Variants in FOXP1 observed in about 807,000 individuals in gnomAD.
FOXP1 encodes forkhead box P1, also known as forkhead box protein P1.
Under a neutral mutation model 98.2 loss-of-function variants are expected in FOXP1, and 15 were observed. The ratio of observed to expected loss-of-function variants is 0.15; its 90% CI spans 0.10 to 0.24. The LOEUF (loss-of-function observed/expected upper bound fraction) is 0.24, where lower values mean the gene tolerates loss of function less well. Ranked by LOEUF, FOXP1 falls within the 10% of genes least tolerant of loss-of-function variation. FOXP1 has a pLI of 1.00. For synonymous variants in FOXP1, 371 were observed against 314.5 expected, an observed-to-expected ratio of 1.18 and a Z score of -1.90; for missense variants, 633 against 848.5, an observed-to-expected ratio of 0.75 and a Z score of 3.15.
intron 7 of FOXP1, among the ~76,000 whole-genome samples, chr3:71,095,194 A>G (rs1489616134): frequency 6.6e-6 from 1 of 152,248 alleles, no homozygotes; most frequent in Non-Finnish European, 1.5e-5. Context: ...CCTGCTGTTC[A>G]TAAGTCAAAA....
At chr3:71,052,723 C>A (rs922730870) in intron 8 of FOXP1, 97 bp from the exon 9 acceptor site, 12 of 780,026 alleles carry the variant, frequency 1.5e-5, no homozygotes, top group Non-Finnish European at 2.3e-5. Flanking sequence ...AAAATAGCAT[C>A]CTTTTATCTG....
Position 71,017,914 on chromosome 3 carries a change from C to T in FOXP1, c.870-2261G>A, listed in dbSNP as rs182879368. On this transcript the variant is annotated intron_variant, in intron 11 of 20. Coordinates refer to ENST00000649528, the MANE Select transcript of FOXP1 (RefSeq NM_001349338.3). ...GTTGCTCTTGAAAAATGCTACATGC[C>T]GAGCACACTCTTAGCCAGTATACAT... is the stretch of plus-strand genomic sequence containing the variant. Among the ~76,000 whole-genome samples the T allele has an allele frequency of 6.0e-4, 92 of 152,126 alleles. No individual in the cohort carries two copies. In the East Asian group the frequency reaches 7.9e-3, roughly 13 times the overall value.
rs541254691 is a variant in FOXP1, at chr3:71,491,900, T to C, written c.-168+1526A>G. Among the ~76,000 whole-genome samples the C allele has an allele frequency of 3.9e-5, 6 of 152,340 alleles. No homozygotes were observed. In the South Asian group the frequency reaches 1.0e-3, roughly 26 times the overall value. ...TGAATGCATAACACTGTCTTAGACA[T>C]ATCATCAGAGGAGGCTTAAAAAGCT... On this transcript the variant is annotated intron_variant, in intron 3 of 20. Coordinates refer to ENST00000649528, the MANE Select transcript of FOXP1 (RefSeq NM_001349338.3).
rs111832624 is a variant in FOXP1, at chr3:71,399,902, C to T, written c.-167-40658G>A. The stretch of plus-strand genomic sequence containing the variant: ...ATTTCTCCAGTTGTTAATTTGAAAA[C>T]GATGTAGCAAATGCCTAGTATGTTC... On this transcript the variant is annotated intron_variant, in intron 3 of 20. Transcript: ENST00000649528. Among the ~76,000 whole-genome samples the T allele has an allele frequency of 3.6e-3, 553 of 152,226 alleles. 4 individuals carry two copies. Among genetic ancestry groups the T allele is most frequent in the African/African-American group, 0.012 (517 of 41,552 alleles).
intron 6 of FOXP1, among the ~76,000 whole-genome samples, chr3:71,155,890 G>C (rs1016392188): frequency 2.0e-5 from 3 of 152,200 alleles, no homozygotes; most frequent in Non-Finnish European, 4.4e-5. Flanking sequence ...GCCCCGCAGT[G>C]CAGGTAAACA....
At chr3:71,228,502 T>C (rs2066017407) in intron 5 of FOXP1, among the ~76,000 whole-genome samples, 1 of 152,154 alleles carries the variant, frequency 6.6e-6, no homozygotes, top group Admixed American at 6.5e-5. Flanking sequence ...TCTTTTTTCG[T>C]TAAATACAGT....
At chr3:71,174,530 T>C (rs1343427946) in intron 6 of FOXP1, among the ~76,000 whole-genome samples, 4 of 152,146 alleles carry the variant, frequency 2.6e-5, no homozygotes, top group Admixed American at 2.0e-4. Flanking sequence ...GTCAGTACCA[T>C]AGAAATAAAA....
At chr3:71,321,572 A>G (rs2075393053) in intron 4 of FOXP1, among the ~76,000 whole-genome samples, 1 of 152,146 alleles carries the variant, frequency 6.6e-6, no homozygotes, top group Non-Finnish European at 1.5e-5. Context: ...TCGTGCTCAC[A>G]ATGTAATTAA....
At chr3:71,564,441 T>C (rs1190210021) in intron 2 of FOXP1, among the ~76,000 whole-genome samples, 1 of 152,268 alleles carries the variant, frequency 6.6e-6, no homozygotes, top group Non-Finnish European at 1.5e-5. Flanking sequence ...TTCTTTATTC[T>C]GTCCTTTTAA....
rs1181567916 is a variant in FOXP1 at position 71,051,202 on chromosome 3, T to C, written c.510+1335A>G. 2.0e-5 allele frequency among the ~76,000 whole-genome samples: 3 copies of C among 152,228 alleles called. No individual in the cohort carries two copies. In the South Asian group the frequency reaches 6.2e-4, roughly 32 times the overall value. ...TTAATTACTGTTAGTCCTTTAGATTTACATTTTAGACACTTTTTAATCTGT... is the reference window on the plus strand; with the variant it reads ...TTAATTACTGTTAGTCCTTTAGATTCACATTTTAGACACTTTTTAATCTGT... On this transcript the variant is annotated intron_variant, in intron 9 of 20. Transcript: ENST00000649528.
At chr3:71,326,495 C>T (rs944974888) in intron 4 of FOXP1, among the ~76,000 whole-genome samples, 16 of 152,108 alleles carry the variant, frequency 1.1e-4, no homozygotes, top group South Asian at 8.3e-4. Flanking sequence ...TCTGTGATGG[C>T]AGAGCTGATG....
intron 7 of FOXP1, among the ~76,000 whole-genome samples, chr3:71,111,019 C>T (rs2057874975): frequency 6.6e-6 from 1 of 152,200 alleles, no homozygotes; most frequent in Non-Finnish European, 1.5e-5. Context: ...GTGCTGAACT[C>T]TCTCTGGAAA....
In FOXP1 at chr3:71,043,356, A is replaced by G. The variant is rs181897873; in HGVS notation, c.665-1824T>C. On this transcript the variant is annotated intron_variant, in intron 10 of 20. Transcript: ENST00000649528. ...CTTGTCCCCTGAAATTAAGCCTCAG[A>G]GGCAAATTAAACAAAGGGGAAAGGT... Among the ~76,000 whole-genome samples, 12 of 152,304 alleles carry G rather than the reference A, an allele frequency of 7.9e-5. No individual in the cohort carries two copies. In the East Asian group the frequency reaches 1.9e-3, roughly 25 times the overall value.
intron 5 of FOXP1, among the ~76,000 whole-genome samples, chr3:71,232,903 A>C (rs1397216516): frequency 6.7e-6 from 1 of 149,408 alleles, no homozygotes; most frequent in Non-Finnish European, 1.5e-5. Flanking sequence ...AAAAGCAAGA[A>C]AAATGGGGAC....
At chr3:71,321,675 G>A (rs1386130693) in intron 4 of FOXP1, among the ~76,000 whole-genome samples, 3 of 150,952 alleles carry the variant, frequency 2.0e-5, no homozygotes, top group African/African-American at 7.3e-5. Flanking sequence ...AGGCCGGAGT[G>A]CAGTGGTGCG....
intron 3 of FOXP1, among the ~76,000 whole-genome samples, chr3:71,381,632 C>T (rs1013786040): frequency 6.6e-6 from 1 of 151,812 alleles, no homozygotes; most frequent in African/African-American, 2.4e-5. Context: ...TTTGTAGAGA[C>T]GGAGTCTCTC....
At chr3:71,549,520 A>C (rs1412303525) in intron 2 of FOXP1, among the ~76,000 whole-genome samples, 1 of 152,138 alleles carries the variant, frequency 6.6e-6, no homozygotes, top group Non-Finnish European at 1.5e-5. Flanking sequence ...GATCACAGGC[A>C]TACACCATCA....
Position 71,164,032 on chromosome 3 carries a change from C to T in FOXP1, c.180+34170G>A, listed in dbSNP as rs183739663. Among the ~76,000 whole-genome samples the T allele has an allele frequency of 7.2e-5, 11 of 152,170 alleles. 1 individual carries two copies. The highest frequency in any genetic ancestry group is 2.2e-4 in the African/African-American group (9 of 41,514). On this transcript the variant is annotated intron_variant, in intron 6 of 20. Transcript: ENST00000649528. ...GTCTGTCTGTAAAATTCTGCACAGA[C>T]GAAAGCTCAATCCCATGCCATCAGT...
At chr3:71,216,901 T>C (rs1438799206) in intron 5 of FOXP1, among the ~76,000 whole-genome samples, 1 of 152,108 alleles carries the variant, frequency 6.6e-6, no homozygotes, top group Non-Finnish European at 1.5e-5. Flanking sequence ...AGGAGGGGGC[T>C]TGTGCCACTG....
Sources: gnomAD v4.1 joint callset for allele counts (sites outside exome capture counted in the v4.1 genomes callset) on GRCh38, gnomAD v4.1.1 for gene constraint, MANE v1.5 for transcripts, NCBI Gene and HGNC (gene_info 2026-07-23, HGNC 2026-07-21) for gene names.